Variants in ZC3HAV1L observed in about 807,000 individuals in gnomAD.
The protein encoded by ZC3HAV1L is zinc finger CCCH-type antiviral protein 1-like.
Under a neutral mutation model 28.2 loss-of-function variants are expected in ZC3HAV1L, and 23 were observed. That is an observed-to-expected ratio of 0.82 (90% CI 0.59 to 1.16). The LOEUF (loss-of-function observed/expected upper bound fraction) is 1.16, where lower values mean the gene tolerates loss of function less well. Ranked by LOEUF, ZC3HAV1L falls within the 50% of genes most tolerant of loss-of-function variation. ZC3HAV1L has a pLI of 0.00. For missense variants in ZC3HAV1L, 376 were observed against 387.7 expected (o/e 0.97, Z 0.25); for synonymous variants, 180 against 163.4 (o/e 1.10, Z -0.78).
chr7:139,023,102 G>A (rs1322721613), downstream of ZC3HAV1L, among the ~76,000 whole-genome samples: 2 of 147,428 alleles, frequency 1.4e-5, no homozygotes, highest in South Asian at 2.2e-4. Context: ...TTGAACCTGG[G>A]AGACGGAGGT....
chr7:139,032,680 AAAT>A (rs1008919933), intron 2 of ZC3HAV1L, among the ~76,000 whole-genome samples: 19 of 150,828 alleles, frequency 1.3e-4, no homozygotes, highest in African/African-American at 4.4e-4. Context: ...AATAAATAAA[AAAT>A]AAAATAAAAT....
In ZC3HAV1L at chr7:139,035,741, G is replaced by T. The variant is rs1488894990; in HGVS notation, c.277C>A (p.Arg93Ser). 2.0e-6 allele frequency: 3 copies of T among 1,489,210 alleles called. No individual in the cohort carries two copies. The Admixed American group carries it at 6.8e-5, about 34-fold the overall frequency. 92.2% of individuals were successfully genotyped at this position (1,489,210 alleles called of 1,614,324 possible). A position where few individuals can be genotyped will look rare whatever the true frequency, so the allele number is the denominator to read the frequency against. ...VAVSSVRLCA[R>S]YQRGECQACD... ...GCCTGGCACTCGCCGCGCTGGTAGCGGGCGCAGAGGCGCACAGAGGACACG... is the reference window on the plus strand; with the variant it reads ...GCCTGGCACTCGCCGCGCTGGTAGCTGGCGCAGAGGCGCACAGAGGACACG... Residue 93 changes from arginine (R) to serine (S), a missense_variant, in exon 1 of 5, where the codon CGC becomes AGC. Arg to Ser is a moderately radical substitution (Grantham distance 110). Coordinates refer to ENST00000275766, the MANE Select transcript of ZC3HAV1L (RefSeq NM_080660.4).
At chr7:139,027,610 G>C (rs748089714) in intron 3 of ZC3HAV1L, among the ~76,000 whole-genome samples, 1 of 152,170 alleles carries the variant, frequency 6.6e-6, no homozygotes, top group Non-Finnish European at 1.5e-5. Flanking sequence ...CCAGGAGTTC[G>C]AGGCTGCAGT....
chr7:139,028,680 T>C, intron 3 of ZC3HAV1L, 22 bp downstream of exon 3: 2 of 1,608,458 alleles, frequency 1.2e-6, no homozygotes, highest in Non-Finnish European at 1.7e-6. Flanking sequence ...GATACTTCTC[T>C]GTCCTTCTTG....
intron 3 of ZC3HAV1L, 101 bp downstream of exon 3, chr7:139,028,601 G>T: frequency 6.9e-7 from 1 of 1,439,100 alleles, no homozygotes. Context: ...GAACTGCTTT[G>T]CCCCCAGACT....
rs1475215648 is a variant in ZC3HAV1L at position 139,025,925 on chromosome 7, G to C, written c.*619C>G. 6.6e-6 allele frequency: 1 copy of C among 152,010 alleles called. No homozygotes were observed. Among genetic ancestry groups the C allele is most frequent in the Admixed American group, 6.6e-5 (1 of 15,212 alleles). The allele number at this position is 152,010 out of a possible 1,614,324, so 9.4% of individuals were successfully genotyped here. A position where few individuals can be genotyped will look rare whatever the true frequency, so the allele number is the denominator to read the frequency against. On this transcript the variant is annotated 3_prime_UTR_variant, in exon 5 of 5. Coordinates refer to ENST00000275766, the MANE Select transcript of ZC3HAV1L (RefSeq NM_080660.4). ...AAGCAGGCAGATCGCTTGAGCCCAG[G>C]AGTTCAAGACTAGCCTGGGCAACAT...
downstream of ZC3HAV1L, among the ~76,000 whole-genome samples, chr7:139,022,992 T>C (rs924707784): frequency 1.3e-5 from 2 of 152,032 alleles, no homozygotes; most frequent in Non-Finnish European, 2.9e-5. Flanking sequence ...CTGGCCAACA[T>C]GGTGAAACCC....
chr7:139,022,699 G>A (rs984680007), downstream of ZC3HAV1L, among the ~76,000 whole-genome samples: 1 of 152,202 alleles, frequency 6.6e-6, no homozygotes, highest in African/African-American at 2.4e-5. Context: ...TTTGCTCAGA[G>A]CTAGTGAGTA....
At chr7:139,022,218 T>C (rs1815259253), downstream of ZC3HAV1L, among the ~76,000 whole-genome samples, 1 of 152,168 alleles carries the variant, frequency 6.6e-6, no homozygotes. Flanking sequence ...ATATAACACA[T>C]TCCTTAGGGG....
intron 3 of ZC3HAV1L, 61 bp from the exon 4 acceptor site, chr7:139,026,894 G>GC: frequency 3.2e-6 from 5 of 1,555,432 alleles, no homozygotes; most frequent in Non-Finnish European, 3.5e-6. Context: ...TACGTTGGGA[G>GC]CAACAGCCCA....
chr7:139,035,094 G>C, intron 1 of ZC3HAV1L: 1 of 985,448 alleles, frequency 1.0e-6, no homozygotes, highest in Non-Finnish European at 1.2e-6. Flanking sequence ...GCACAGCCTG[G>C]GGTCAGGAGG....
At chr7:139,028,623 C>T in intron 3 of ZC3HAV1L, 79 bp downstream of exon 3, 1 of 1,529,860 alleles carries the variant, frequency 6.5e-7, no homozygotes, top group Non-Finnish European at 8.8e-7. Context: ...ACTTTCATGT[C>T]ACTGTTCTTA....
intron 2 of ZC3HAV1L, chr7:139,033,994 G>A (rs1815615646): frequency 1.0e-6 from 1 of 985,336 alleles, no homozygotes. Context: ...ATGCATGTCA[G>A]GAAGAAACCT....
rs1053084632 is a variant in ZC3HAV1L at position 139,035,307 on chromosome 7, G to GC, written c.365+345dup. ...CTCATGGGATCCTCAGACGCCCCAC[G>GC]CCCCCCACCTCCCGCCAAATATCAC... On this transcript the variant is annotated intron_variant, in intron 1 of 4. Coordinates refer to ENST00000275766, the MANE Select transcript of ZC3HAV1L (RefSeq NM_080660.4). The GC allele has an allele frequency of 5.1e-6, 5 of 985,098 alleles. No individual in the cohort carries two copies. The East Asian group carries it at 3.4e-4, about 67-fold the overall frequency. 61.0% of individuals were successfully genotyped at this position (985,098 alleles called of 1,614,324 possible). A position where few individuals can be genotyped will look rare whatever the true frequency, so the allele number is the denominator to read the frequency against.
intron 2 of ZC3HAV1L, among the ~76,000 whole-genome samples, chr7:139,032,397 G>A (rs1436650954): frequency 6.6e-6 from 1 of 151,978 alleles, no homozygotes; most frequent in South Asian, 2.1e-4. Context: ...CACTCTGGGA[G>A]GCTGAGGTGG....
intron 1 of ZC3HAV1L, chr7:139,035,245 G>A: frequency 1.0e-6 from 1 of 985,400 alleles, no homozygotes; most frequent in Non-Finnish European, 1.2e-6. Context: ...GTGTGGATAT[G>A]GGGGAGCAGC....
At chr7:139,029,651 C>A (rs137862356) in intron 2 of ZC3HAV1L, among the ~76,000 whole-genome samples, 2 of 152,316 alleles carry the variant, frequency 1.3e-5, no homozygotes, top group African/African-American at 4.8e-5. Context: ...AAGGCCAGAC[C>A]TTATGTGCTT....
downstream of ZC3HAV1L, among the ~76,000 whole-genome samples, chr7:139,024,429 T>C (rs1815305242): frequency 6.6e-6 from 1 of 152,210 alleles, no homozygotes; most frequent in African/African-American, 2.4e-5. Flanking sequence ...TACCCTACAC[T>C]GTTTCCATTA....
At chr7:139,021,940 A>G, downstream of ZC3HAV1L, among the ~76,000 whole-genome samples, 1 of 152,202 alleles carries the variant, frequency 6.6e-6, no homozygotes, top group South Asian at 2.1e-4. Flanking sequence ...CAAAAGATAC[A>G]TATTTTAAAA....
Sources: allele counts gnomAD v4.1 joint callset (sites outside exome capture counted in the v4.1 genomes callset), GRCh38; gene constraint gnomAD v4.1.1; transcripts MANE v1.5; gene names NCBI Gene and HGNC (gene_info 2026-07-23, HGNC 2026-07-21).